The following OR6N1 variants were observed in gnomAD, a reference collection of about 807,000 sequenced individuals.
OR6N1 encodes olfactory receptor 6N1.
For missense variants in OR6N1, 394 were observed against 371.7 expected, an observed-to-expected ratio of 1.06 and a Z score of -0.49; for synonymous variants, 170 against 150.7, an observed-to-expected ratio of 1.13 and a Z score of -0.94.
At chr1:158,795,733 T>C in the OR6N1 span, among the ~76,000 whole-genome samples, 2 of 152,310 alleles carry the variant, frequency 1.3e-5, no homozygotes, top group African/African-American at 4.8e-5. Flanking sequence ...GGAATGTGTG[T>C]TATGGCAACA....
chr1:158,816,907 C>G, the OR6N1 span, among the ~76,000 whole-genome samples: 3 of 152,222 alleles, frequency 2.0e-5, no homozygotes, highest in Non-Finnish European at 4.4e-5. Flanking sequence ...CTGCCAGTGT[C>G]TCATTTTGCA....
the OR6N1 span, among the ~76,000 whole-genome samples, chr1:158,789,779 G>A: frequency 2.3e-4 from 35 of 152,216 alleles, no homozygotes; most frequent in African/African-American, 7.7e-4. Context: ...TTCTCCCATT[G>A]TGTGGGTTGT....
the OR6N1 span, among the ~76,000 whole-genome samples, chr1:158,820,363 T>A: frequency 3.9e-5 from 6 of 152,224 alleles, no homozygotes; most frequent in Non-Finnish European, 2.9e-5. Flanking sequence ...CAACTTTGAG[T>A]TTTAATTCCA....
the OR6N1 span, among the ~76,000 whole-genome samples, chr1:158,827,083 A>T: frequency 6.6e-6 from 1 of 152,218 alleles, no homozygotes; most frequent in East Asian, 1.9e-4. Context: ...CTTAAGTTAA[A>T]TGATTTAAAA....
chr1:158,781,342 C>T, the OR6N1 span: 1 of 152,318 alleles, frequency 6.6e-6, no homozygotes, highest in Non-Finnish European at 1.5e-5. Context: ...GGAAGGGAGA[C>T]CTCCAACCCC....
At chr1:158,771,709 C>T (rs976866262) in intron 1 of OR6N1, among the ~76,000 whole-genome samples, 4 of 152,138 alleles carry the variant, frequency 2.6e-5, no homozygotes, top group African/African-American at 7.2e-5. Flanking sequence ...TCACACTCAA[C>T]GTCTTCATTT....
chr1:158,795,997 C>T, the OR6N1 span: 2 of 152,186 alleles, frequency 1.3e-5, no homozygotes, highest in African/African-American at 2.4e-5. Flanking sequence ...AACCTGCCAT[C>T]ATGGAAAAAA....
chr1:158,791,670 A>G, the OR6N1 span, among the ~76,000 whole-genome samples: 1 of 151,352 alleles, frequency 6.6e-6, no homozygotes, highest in Admixed American at 6.6e-5. Context: ...GGGTTTCACC[A>G]TTTTTGCCAG....
chr1:158,786,533 G>T, the OR6N1 span, among the ~76,000 whole-genome samples: 1 of 152,202 alleles, frequency 6.6e-6, no homozygotes, highest in African/African-American at 2.4e-5. Flanking sequence ...ATTTGAAAAA[G>T]ACATGGACCT....
the OR6N1 span, among the ~76,000 whole-genome samples, chr1:158,803,791 C>T: frequency 2.0e-5 from 3 of 152,122 alleles, no homozygotes; most frequent in Admixed American, 6.5e-5. Flanking sequence ...GCGTACTAAA[C>T]AATCAAGGCT....
At chr1:158,785,313 C>T in the OR6N1 span, among the ~76,000 whole-genome samples, 10 of 151,844 alleles carry the variant, frequency 6.6e-5, 1 homozygote, top group Non-Finnish European at 7.4e-5. Context: ...ATTTTTATTC[C>T]GTCATCTTCC....
the OR6N1 span, among the ~76,000 whole-genome samples, chr1:158,790,044 CT>C: frequency 3.3e-5 from 5 of 152,138 alleles, no homozygotes; most frequent in Non-Finnish European, 5.9e-5. Context: ...TAGTTTCATT[CT>C]TCTTCATATA....
chr1:158,772,538 G>T (rs1657448460), upstream of OR6N1, among the ~76,000 whole-genome samples: 1 of 152,200 alleles, frequency 6.6e-6, no homozygotes. Context: ...TTTCAATTAT[G>T]ATAGGATCTT....
chr1:158,777,411 A>T, the OR6N1 span: 1 of 1,614,034 alleles, frequency 6.2e-7, no homozygotes, highest in East Asian at 2.2e-5. Flanking sequence ...GGATAGTGGT[A>T]GCTGTATACC....
chr1:158,789,661 T>C, the OR6N1 span, among the ~76,000 whole-genome samples: 1 of 152,224 alleles, frequency 6.6e-6, no homozygotes, highest in Non-Finnish European at 1.5e-5. Flanking sequence ...TTCAGATTTT[T>C]TTGCCCATTT....
the OR6N1 span, among the ~76,000 whole-genome samples, chr1:158,822,786 T>G: frequency 6.6e-6 from 1 of 152,162 alleles, no homozygotes. Context: ...TTTCTTGTTT[T>G]GGTTTTCAAA....
At chr1:158,785,374 G>A in the OR6N1 span, among the ~76,000 whole-genome samples, 1 of 151,904 alleles carries the variant, frequency 6.6e-6, no homozygotes, top group African/African-American at 2.4e-5. Flanking sequence ...CAAGTATTTA[G>A]GTTCCCATCT....
chr1:158,832,403 G>A, the OR6N1 span, among the ~76,000 whole-genome samples: 1 of 151,662 alleles, frequency 6.6e-6, no homozygotes, highest in African/African-American at 2.4e-5. Flanking sequence ...TTTTTACCTT[G>A]TTCTTTCAGT....
chr1:158,809,497 C>T, the OR6N1 span, among the ~76,000 whole-genome samples: 1 of 152,104 alleles, frequency 6.6e-6, no homozygotes, highest in Admixed American at 6.5e-5. Context: ...AATGGTTGGC[C>T]CCATATCATA....
Sources: allele counts gnomAD v4.1 joint callset (sites outside exome capture counted in the v4.1 genomes callset), GRCh38; gene constraint gnomAD v4.1.1; transcripts MANE v1.5; gene names NCBI Gene and HGNC (gene_info 2026-07-23, HGNC 2026-07-21).